Variants in FNDC4 observed in about 807,000 individuals in gnomAD.
The protein encoded by FNDC4 is fibronectin type III domain containing 4.
A neutral mutation model predicts 25.1 loss-of-function variants in FNDC4; 11 were observed. That is an observed-to-expected ratio of 0.44 (90% CI 0.28 to 0.73). FNDC4 has a LOEUF of 0.73. FNDC4 is among the 30% of genes least tolerant of loss of function. The probability of loss-of-function intolerance (pLI) is 0.16; values close to 1 mark genes in which losing one functional copy is unlikely to be tolerated. For synonymous variants in FNDC4, 136 were observed against 118.8 expected, an observed-to-expected ratio of 1.14 and a Z score of -0.94; for missense variants, 250 against 304.3, an observed-to-expected ratio of 0.82 and a Z score of 1.33.
rs1177285271 is a variant in FNDC4, at chr2:27,492,679, A to T, written c.656T>A (p.Val219Glu). 1 of 1,613,416 alleles carries T rather than the reference A, an allele frequency of 6.2e-7. No homozygotes were observed. The highest frequency in any genetic ancestry group is 8.5e-7 in the Non-Finnish European group (1 of 1,179,894). ...GPEQSPQGRPVGTRQKKSPSI... is the reference protein window; with the variant it reads ...GPEQSPQGRPEGTRQKKSPSI... ...CCCCCACATCACCTGTCTTGTCCCC[A>T]CTGGCCTTCCCTGAGGACTCTGTTC... The change falls in exon 6 of 7, where the codon GTG (valine) becomes GAG (glutamate). Residue 219 changes from valine (V) to glutamate (E), a missense_variant. Val to Glu is a moderately radical substitution (Grantham distance 121). Coordinates refer to ENST00000264703, the MANE Select transcript of FNDC4 (RefSeq NM_022823.3). This position sits in a 1 kb window ranked among gnomAD's most constrained non-coding sequence, Gnocchi z 4.1.
chr2:27,492,840 G>A lies in FNDC4; in HGVS notation c.545-50C>T, dbSNP rs943474775. 1 of 1,610,214 alleles carries A rather than the reference G, an allele frequency of 6.2e-7. No individual in the cohort carries two copies. The highest frequency in any genetic ancestry group is 1.3e-5 in the African/African-American group (1 of 74,924). Reference sequence around the variant, plus strand: ...TTCATCTCCACTTCCCCCCTCATAGGGAGATACCTACGTAGCTTCTAGAAA... The same window carrying A: ...TTCATCTCCACTTCCCCCCTCATAGAGAGATACCTACGTAGCTTCTAGAAA... On this transcript the variant is annotated intron_variant, in intron 5 of 6. Transcript: ENST00000264703. This position sits in a 1 kb window ranked among gnomAD's most constrained non-coding sequence, Gnocchi z 4.1.
chr2:27,494,233 A>G lies in FNDC4; in HGVS notation c.250-99T>C. On this transcript the variant is annotated intron_variant, in intron 3 of 6. Coordinates refer to ENST00000264703, the MANE Select transcript of FNDC4 (RefSeq NM_022823.3). This position sits in a 1 kb window ranked among gnomAD's most constrained non-coding sequence, Gnocchi z 4.6. ...CAACATCCAAGCACTCCGGGGGAGT[A>G]GCGTGAAAAGGGCAGCCTGAGCCAG... 1.4e-6 allele frequency: 2 copies of G among 1,403,932 alleles called. No individual in the cohort carries two copies. Among genetic ancestry groups the G allele is most frequent in the Admixed American group, 3.8e-5 (2 of 52,444 alleles). The allele number at this position is 1,403,932 out of a possible 1,614,324, so 87.0% of individuals were successfully genotyped here. A position where few individuals can be genotyped will look rare whatever the true frequency, so the allele number is the denominator to read the frequency against.
In FNDC4 at chr2:27,494,370, C is replaced by T. The variant is rs1669330011; in HGVS notation, c.230G>A (p.Gly77Asp). 6.2e-7 allele frequency: 1 copy of T among 1,613,598 alleles called. No homozygotes were observed. Among genetic ancestry groups the T allele is most frequent in the Admixed American group, 1.7e-5 (1 of 60,006 alleles). Reference sequence around the variant, plus strand: ...TCATACTTGCTGGGAAATGGAGTAGCCAATGACGATGTTGCCTTCTGGGAC... The same window carrying T: ...TCATACTTGCTGGGAAATGGAGTAGTCAATGACGATGTTGCCTTCTGGGAC... ...WDVPEGNIVI[G>D]YSISQQRQNG... The change falls in exon 3 of 7, where the codon GGC becomes GAC. Residue 77 changes from glycine to aspartate, a missense_variant. Gly to Asp is a moderately conservative substitution (Grantham distance 94, BLOSUM62 -1). Transcript: ENST00000264703. The surrounding 1 kb of genome is among the most constrained non-coding windows in gnomAD (Gnocchi z 4.6).
chr2:27,492,135 T>G lies in FNDC4; in HGVS notation c.*308A>C. On this transcript the variant is annotated 3_prime_UTR_variant, in exon 7 of 7. Transcript: ENST00000264703. The surrounding 1 kb of genome is among the most constrained non-coding windows in gnomAD (Gnocchi z 4.1). ...CAGCTGGGGATGCTCAGAGTCCTGA[T>G]ACAGGTGAAATGGGGCCCCCATTTG... The G allele has an allele frequency of 2.2e-6, 1 of 452,416 alleles. No individual in the cohort carries two copies. The highest frequency in any genetic ancestry group is 4.0e-6 in the Non-Finnish European group (1 of 250,856). The allele number at this position is 452,416 out of a possible 1,614,324, so 28.0% of individuals were successfully genotyped here.
At position 27,492,987 on chromosome 2, in the gene FNDC4, T is replaced by A. The variant is rs1669296860; in HGVS notation, c.545-197A>T. On this transcript the variant is annotated intron_variant, in intron 5 of 6. Transcript: ENST00000264703. This position sits in a 1 kb window ranked among gnomAD's most constrained non-coding sequence, Gnocchi z 4.1. ...CCTCCTGAACTAAGTATCTCCCCAC[T>A]CCACTCTATTTCTCTTACTTTTTTT... 6.9e-6 allele frequency among the ~76,000 whole-genome samples: 1 copy of A among 144,374 alleles called. No homozygotes were observed. The highest frequency in any genetic ancestry group is 2.6e-5 in the African/African-American group (1 of 38,598). The allele number at this position is 144,374 out of a possible 152,430, so 94.7% of individuals were successfully genotyped here.
Position 27,492,729 on chromosome 2 carries a change from A to G in FNDC4, c.606T>C (p.Asn202=). The change falls in exon 6 of 7, where the codon AAT becomes AAC. Residue 202 remains asparagine, a synonymous_variant. Coordinates refer to ENST00000264703, the MANE Select transcript of FNDC4 (RefSeq NM_022823.3). This position sits in a 1 kb window ranked among gnomAD's most constrained non-coding sequence, Gnocchi z 4.1. ...CCGGCCCCTTTCCCTTCTCCTTGGG[A>G]TTGTTGTTGGAGTCATTGTCCTTGA... ...DIIKDNDSNN[N]PKEKGKGPEQ... is the part of the protein sequence containing the mutation. 6.2e-7 allele frequency: 1 copy of G among 1,613,644 alleles called. No homozygotes were observed. Among genetic ancestry groups the G allele is most frequent in the Non-Finnish European group, 8.5e-7 (1 of 1,179,938 alleles).
Position 27,492,191 on chromosome 2 carries a change from C to A in FNDC4, c.*252G>T. 1.8e-6 allele frequency: 1 copy of A among 569,786 alleles called. No homozygotes were observed. Among genetic ancestry groups the A allele is most frequent in the African/African-American group, 1.9e-5 (1 of 53,570 alleles). 35.3% of individuals were successfully genotyped at this position (569,786 alleles called of 1,614,324 possible). ...TAATGGAGTAGGGTACAACTAGTGA[C>A]TCTCCCCTGGACCGGGGAATGGAAG... On this transcript the variant is annotated 3_prime_UTR_variant, in exon 7 of 7. Coordinates refer to ENST00000264703, the MANE Select transcript of FNDC4 (RefSeq NM_022823.3). This position sits in a 1 kb window ranked among gnomAD's most constrained non-coding sequence, Gnocchi z 4.1.
Position 27,494,015 on chromosome 2 carries a change from AAGGCC to A in FNDC4, c.364_368del (p.Gly122SerfsTer19). 6.2e-7 allele frequency: 1 copy of A among 1,614,204 alleles called. No individual in the cohort carries two copies. Among genetic ancestry groups the A allele is most frequent in the Non-Finnish European group, 8.5e-7 (1 of 1,180,032 alleles). The stretch of plus-strand genomic sequence containing the variant: ...GGGGCCCTGGGGGACTCTCTCCCCG[AAGGCC>A]GATGCTCCTGACCTGCACTGTGTAG... On this transcript the variant is annotated frameshift_variant, in exon 4 of 7. Transcript: ENST00000264703. LOFTEE classifies it high-confidence loss of function. The surrounding 1 kb of genome is among the most constrained non-coding windows in gnomAD (Gnocchi z 4.6).
chr2:27,494,751 C>G lies in FNDC4; in HGVS notation c.-24-48G>C. Reference sequence around the variant, plus strand: ...GGGGTCAAGGACTGCCCAGAACGCACGGAGGTCGGGGGGCAGCAGCTCTCC... The same window carrying G: ...GGGGTCAAGGACTGCCCAGAACGCAGGGAGGTCGGGGGGCAGCAGCTCTCC... On this transcript the variant is annotated intron_variant, in intron 1 of 6. Transcript: ENST00000264703. This position sits in a 1 kb window ranked among gnomAD's most constrained non-coding sequence, Gnocchi z 4.6. 1 of 1,042,682 alleles carries G rather than the reference C, an allele frequency of 9.6e-7. No homozygotes were observed. Among genetic ancestry groups the G allele is most frequent in the South Asian group, 1.7e-5 (1 of 60,468 alleles). The allele number at this position is 1,042,682 out of a possible 1,614,324, so 64.6% of individuals were successfully genotyped here.
rs888953922 is a variant in FNDC4, at chr2:27,494,225, G to C, written c.250-91C>G. 24 of 1,426,438 alleles carry C rather than the reference G, an allele frequency of 1.7e-5. No homozygotes were observed. The highest frequency in any genetic ancestry group is 2.2e-5 in the Non-Finnish European group (23 of 1,025,868). 88.4% of individuals were successfully genotyped at this position (1,426,438 alleles called of 1,614,324 possible). On this transcript the variant is annotated intron_variant, in intron 3 of 6. Coordinates refer to ENST00000264703, the MANE Select transcript of FNDC4 (RefSeq NM_022823.3). This position sits in a 1 kb window ranked among gnomAD's most constrained non-coding sequence, Gnocchi z 4.6. ...AGACTCTTCAACATCCAAGCACTCC[G>C]GGGGAGTAGCGTGAAAAGGGCAGCC...
chr2:27,492,306 G>C lies in FNDC4; in HGVS notation c.*137C>G. On this transcript the variant is annotated 3_prime_UTR_variant, in exon 7 of 7. Coordinates refer to ENST00000264703, the MANE Select transcript of FNDC4 (RefSeq NM_022823.3). The surrounding 1 kb of genome is among the most constrained non-coding windows in gnomAD (Gnocchi z 4.1). ...CTGGCTCTGCTCACAGTGGAAAGAG[G>C]ATGGGTACCAGGCCTGAGATTGTGG... is the stretch of plus-strand genomic sequence containing the variant. The C allele has an allele frequency of 9.4e-7, 1 of 1,061,556 alleles. No individual in the cohort carries two copies. Among genetic ancestry groups the C allele is most frequent in the Non-Finnish European group, 1.5e-6 (1 of 685,982 alleles). 65.8% of individuals were successfully genotyped at this position (1,061,556 alleles called of 1,614,324 possible).
In FNDC4 at chr2:27,493,955, C is replaced by G. The variant is rs1669318058; in HGVS notation, c.429G>C (p.Arg143=). The part of the protein sequence containing the change: ...VHFRTLKGSD[R]LPSNSSSPGD... ...CTGGGCTTGAACTGTTTGAAGGTAG[C>G]CGGTCAGAACCCTTGAGAGTTCGGA... is the stretch of plus-strand genomic sequence containing the variant. Residue 143 remains arginine (R), a synonymous_variant, in exon 4 of 7, where the codon CGG becomes CGC. Coordinates refer to ENST00000264703, the MANE Select transcript of FNDC4 (RefSeq NM_022823.3). 4.3e-6 allele frequency: 7 copies of G among 1,614,240 alleles called. No individual in the cohort carries two copies. The highest frequency in any genetic ancestry group is 5.9e-6 in the Non-Finnish European group (7 of 1,180,046).
Position 27,494,116 on chromosome 2 carries a change from G to T in FNDC4, c.268C>A (p.Gln90Lys). Residue 90 changes from glutamine to lysine, a missense_variant, in exon 4 of 7, where the codon CAG (glutamine) becomes AAG (lysine). By Grantham distance (53) the Gln-to-Lys change is moderately conservative. Transcript: ENST00000264703. The surrounding 1 kb of genome is among the most constrained non-coding windows in gnomAD (Gnocchi z 4.6). ...GTGTTCACCTCCCGAATCACACGCT[G>T]CCCGGGGCCATTCTGCCGCTGCAGG... is the stretch of plus-strand genomic sequence containing the variant. The part of the protein sequence containing the change: ...ISQQRQNGPG[Q>K]RVIREVNTTT... The T allele has an allele frequency of 1.2e-6, 2 of 1,613,968 alleles. No individual in the cohort carries two copies. The highest frequency in any genetic ancestry group is 1.7e-6 in the Non-Finnish European group (2 of 1,179,986).
In FNDC4 at chr2:27,494,808, T is replaced by C; in HGVS notation, c.-25+70A>G. On this transcript the variant is annotated intron_variant, in intron 1 of 6. Transcript: ENST00000264703. The surrounding 1 kb of genome is among the most constrained non-coding windows in gnomAD (Gnocchi z 4.6). ...CCCCACAGCTCACAACAGCCCTATT[T>C]TCTCTACGCCCTCCCGCCCCCGCAT... 1 of 595,182 alleles carries C rather than the reference T, an allele frequency of 1.7e-6. No homozygotes were observed. The highest frequency in any genetic ancestry group is 2.9e-6 in the Non-Finnish European group (1 of 341,892). The allele number at this position is 595,182 out of a possible 1,614,324, so 36.9% of individuals were successfully genotyped here. A position where few individuals can be genotyped will look rare whatever the true frequency, so the allele number is the denominator to read the frequency against.
chr2:27,492,653 G>GCC lies in FNDC4; in HGVS notation c.669+11_669+12dup, dbSNP rs775299227. ...AGAATCACCCTTTCCGCCCTCACTG[G>GCC]CCCCCACATCACCTGTCTTGTCCCC... On this transcript the variant is annotated intron_variant, in intron 6 of 6. Transcript: ENST00000264703. This position sits in a 1 kb window ranked among gnomAD's most constrained non-coding sequence, Gnocchi z 4.1. 6.2e-7 allele frequency: 1 copy of GCC among 1,613,658 alleles called. No individual in the cohort carries two copies. Among genetic ancestry groups the GCC allele is most frequent in the African/African-American group, 1.3e-5 (1 of 74,788 alleles).
chr2:27,494,623 C>T lies in FNDC4; in HGVS notation c.57G>A (p.Ser19=), dbSNP rs752247064. Residue 19 remains serine (S), a synonymous_variant, in exon 2 of 7, where the codon TCG becomes TCA. Transcript: ENST00000264703. The surrounding 1 kb of genome is among the most constrained non-coding windows in gnomAD (Gnocchi z 4.6). ...TTAGATATGGGGAAAGGGGCACCAG[C>T]GAAGCCATGTCCCCACGGAGTCCGC... The part of the protein sequence containing the change: ...PPSGLRGDMA[S]LVPLSPYLSP... The T allele has an allele frequency of 1.9e-6, 3 of 1,606,536 alleles. No homozygotes were observed. The South Asian group carries it at 3.3e-5, about 18-fold the overall frequency.
In FNDC4 at chr2:27,494,230, A is replaced by C; in HGVS notation, c.250-96T>G. 1 of 1,415,874 alleles carries C rather than the reference A, an allele frequency of 7.1e-7. No individual in the cohort carries two copies. Among genetic ancestry groups the C allele is most frequent in the Non-Finnish European group, 9.8e-7 (1 of 1,016,476 alleles). 87.7% of individuals were successfully genotyped at this position (1,415,874 alleles called of 1,614,324 possible). Reference sequence around the variant, plus strand: ...CTTCAACATCCAAGCACTCCGGGGGAGTAGCGTGAAAAGGGCAGCCTGAGC... The same window carrying C: ...CTTCAACATCCAAGCACTCCGGGGGCGTAGCGTGAAAAGGGCAGCCTGAGC... On this transcript the variant is annotated intron_variant, in intron 3 of 6. Transcript: ENST00000264703. This position sits in a 1 kb window ranked among gnomAD's most constrained non-coding sequence, Gnocchi z 4.6.
At position 27,494,825 on chromosome 2, in the gene FNDC4, C is replaced by T. The variant is rs1250038812; in HGVS notation, c.-25+53G>A. ...GCCCTATTTTCTCTACGCCCTCCCGCCCCCGCATTGCCCGGGCGGCCCCAG... is the reference window on the plus strand; with the variant it reads ...GCCCTATTTTCTCTACGCCCTCCCGTCCCCGCATTGCCCGGGCGGCCCCAG... On this transcript the variant is annotated intron_variant, in intron 1 of 6. Transcript: ENST00000264703. The surrounding 1 kb of genome is among the most constrained non-coding windows in gnomAD (Gnocchi z 4.6). 3 of 573,292 alleles carry T rather than the reference C, an allele frequency of 5.2e-6. No homozygotes were observed. Among genetic ancestry groups the T allele is most frequent in the Non-Finnish European group, 9.2e-6 (3 of 327,842 alleles). The allele number at this position is 573,292 out of a possible 1,614,324, so 35.5% of individuals were successfully genotyped here.
At chr2:27,493,561 A>T in intron 4 of FNDC4, 83 bp from the exon 5 acceptor site, 1 of 1,112,692 alleles carries the variant, frequency 9.0e-7, no homozygotes, top group South Asian at 1.2e-5. Flanking sequence ...GCTGGGGATT[A>T]GAAAGGGTGG....
Sources: gnomAD v4.1 joint callset for allele counts (sites outside exome capture counted in the v4.1 genomes callset) on GRCh38, gnomAD v4.1.1 for gene constraint, Gnocchi (gnomAD v3.1) non-coding constraint, MANE v1.5 for transcripts, NCBI Gene and HGNC (gene_info 2026-07-23, HGNC 2026-07-21) for gene names.